The following EPHA6 variants were observed in gnomAD, a reference collection of about 807,000 sequenced individuals.
EPHA6 encodes the protein EPH receptor A6, also known as ephrin type-A receptor 6.
A neutral mutation model predicts 112.0 loss-of-function variants in EPHA6; 50 were observed. That is an observed-to-expected ratio of 0.45 (90% CI 0.36 to 0.56). The LOEUF (loss-of-function observed/expected upper bound fraction) is 0.56. Ranked by LOEUF, EPHA6 falls within the 20% of genes least tolerant of loss-of-function variation. The probability of loss-of-function intolerance (pLI) is 0.00; values close to 1 mark genes in which losing one functional copy is unlikely to be tolerated. For missense variants in EPHA6, 1,280 were observed against 1,417.4 expected (o/e 0.90, Z 1.56); for synonymous variants, 529 against 490.7 (o/e 1.08, Z -1.03).
chr3:97,109,388 C>A (rs2047655439), intron 3 of EPHA6, among the ~76,000 whole-genome samples: 2 of 152,114 alleles, frequency 1.3e-5, no homozygotes, highest in Admixed American at 1.3e-4. Flanking sequence ...ACACAACTGT[C>A]TCTCATGGGC....
In EPHA6 at chr3:97,320,865, A is replaced by C. The variant is rs2082087238; in HGVS notation, c.1606+76578A>C. On this transcript the variant is annotated intron_variant, in intron 5 of 17. Coordinates refer to ENST00000389672, the MANE Select transcript of EPHA6 (RefSeq NM_001080448.3). ...AAGGGATGAATTTAATTACATCCTA[A>C]TTACATCCTTGTCAAGAGGTAATTC... 1.3e-5 allele frequency among the ~76,000 whole-genome samples: 2 copies of C among 151,456 alleles called. 1 individual carries two copies. Among genetic ancestry groups the C allele is most frequent in the African/African-American group, 4.9e-5 (2 of 40,988 alleles).
At chr3:97,631,061 T>C (rs1200737716) in intron 13 of EPHA6, among the ~76,000 whole-genome samples, 1 of 152,036 alleles carries the variant, frequency 6.6e-6, no homozygotes, top group Non-Finnish European at 1.5e-5. Context: ...ACAAATACTA[T>C]TCTAATTCCT....
At chr3:96,821,383 G>T (rs1395712609) in intron 1 of EPHA6, among the ~76,000 whole-genome samples, 4 of 151,660 alleles carry the variant, frequency 2.6e-5, no homozygotes, top group South Asian at 2.1e-4. Flanking sequence ...TTTTACTTTA[G>T]TGCTTTAGAA....
At chr3:97,380,814 A>G (rs966125665) in intron 5 of EPHA6, among the ~76,000 whole-genome samples, 3 of 152,158 alleles carry the variant, frequency 2.0e-5, no homozygotes, top group African/African-American at 7.2e-5. Context: ...TCCTTTTTAG[A>G]TATATTATTC....
At chr3:97,663,899 G>A (rs1290592957) in intron 14 of EPHA6, among the ~76,000 whole-genome samples, 2 of 152,142 alleles carry the variant, frequency 1.3e-5, no homozygotes, top group African/African-American at 4.8e-5. Context: ...AGATCCCCGA[G>A]GAATTGCCAC....
At chr3:97,483,274 C>T (rs1255292841) in intron 9 of EPHA6, among the ~76,000 whole-genome samples, 1 of 152,242 alleles carries the variant, frequency 6.6e-6, no homozygotes, top group East Asian at 1.9e-4. Context: ...CAATGAAGCT[C>T]AGCAGATACA....
At chr3:97,666,372 T>G (rs555966316) in intron 14 of EPHA6, among the ~76,000 whole-genome samples, 1 of 152,294 alleles carries the variant, frequency 6.6e-6, no homozygotes, top group South Asian at 2.1e-4. Flanking sequence ...TCAACAGAAT[T>G]TATTGTCTCA....
chr3:97,246,716 A>G (rs2078997214), intron 5 of EPHA6, among the ~76,000 whole-genome samples: 1 of 151,898 alleles, frequency 6.6e-6, no homozygotes, highest in Non-Finnish European at 1.5e-5. Flanking sequence ...AAATATTGTC[A>G]TGTATATACT....
At chr3:97,047,075 T>C (rs2045532403) in intron 3 of EPHA6, among the ~76,000 whole-genome samples, 1 of 152,148 alleles carries the variant, frequency 6.6e-6, no homozygotes, top group African/African-American at 2.4e-5. Flanking sequence ...ATATTCTCTT[T>C]TTATCAACCT....
chr3:97,692,056 T>C (rs1171567486), intron 14 of EPHA6, among the ~76,000 whole-genome samples: 4 of 152,216 alleles, frequency 2.6e-5, no homozygotes, highest in Non-Finnish European at 5.9e-5. Flanking sequence ...ATGGAGAAGC[T>C]TTCATAGTGA....
chr3:97,327,673 A>G (rs1297861518), intron 5 of EPHA6, among the ~76,000 whole-genome samples: 1 of 151,754 alleles, frequency 6.6e-6, no homozygotes, highest in African/African-American at 2.4e-5. Context: ...ATTCTCTTCC[A>G]TTTCTAAAAC....
chr3:96,987,979 A>G lies in EPHA6; in HGVS notation c.1100A>G (p.Glu367Gly), dbSNP rs2043082138. ...TGCAGTACAGGATATGAAGAAATTG[A>G]GGGTTCTTGCCATGGTAAGAAACAA... is the stretch of plus-strand genomic sequence containing the variant. ...CICSTGYEEI[E>G]GSCHACRPGF... Residue 367 changes from glutamate to glycine, a missense_variant, in exon 3 of 18, where the codon GAG (glutamate) becomes GGG (glycine). Coordinates refer to ENST00000389672, the MANE Select transcript of EPHA6 (RefSeq NM_001080448.3). The G allele has an allele frequency of 6.4e-7, 1 of 1,565,740 alleles. No homozygotes were observed. Among genetic ancestry groups the G allele is most frequent in the Non-Finnish European group, 8.7e-7 (1 of 1,150,600 alleles).
chr3:97,131,316 A>G (rs1430698731), intron 3 of EPHA6, among the ~76,000 whole-genome samples: 1 of 152,134 alleles, frequency 6.6e-6, no homozygotes, highest in African/African-American at 2.4e-5. Context: ...AGATAGAGAG[A>G]TAGATACTTA....
chr3:96,827,931 A>C (rs1227975987), intron 1 of EPHA6, among the ~76,000 whole-genome samples: 2 of 152,082 alleles, frequency 1.3e-5, no homozygotes, highest in Non-Finnish European at 2.9e-5. Context: ...ATGGAGATTC[A>C]GGGGTTGCTT....
chr3:97,558,960 A>C (rs924556424), intron 11 of EPHA6, among the ~76,000 whole-genome samples: 1 of 152,050 alleles, frequency 6.6e-6, no homozygotes, highest in Non-Finnish European at 1.5e-5. Flanking sequence ...ATAAATTGCC[A>C]GTAAAGTAAC....
chr3:97,286,680 C>CTT (rs753882991), intron 5 of EPHA6, among the ~76,000 whole-genome samples: 1 of 142,168 alleles, frequency 7.0e-6, no homozygotes. Context: ...AAGCCTCAAG[C>CTT]TTTTTTTTTT....
chr3:97,100,965 A>C (rs1214483144), intron 3 of EPHA6, among the ~76,000 whole-genome samples: 1 of 152,024 alleles, frequency 6.6e-6, no homozygotes, highest in Non-Finnish European at 1.5e-5. Flanking sequence ...TGAAATAAAG[A>C]TTATCAATAA....
At position 97,093,205 on chromosome 3, in the gene EPHA6, A is replaced by G. The variant is rs572242424; in HGVS notation, c.1114+105212A>G. Among the ~76,000 whole-genome samples, 6 of 152,240 alleles carry G rather than the reference A, an allele frequency of 3.9e-5. No homozygotes were observed. In the South Asian group the frequency reaches 1.2e-3, roughly 32 times the overall value. On this transcript the variant is annotated intron_variant, in intron 3 of 17. Coordinates refer to ENST00000389672, the MANE Select transcript of EPHA6 (RefSeq NM_001080448.3). ...GGATATCTAGCCATCTTATCAAGCT[A>G]ACTGTATGACTTTAAAAACTGAAAT...
At chr3:97,196,537 C>T (rs1465285356) in intron 3 of EPHA6, among the ~76,000 whole-genome samples, 1 of 152,024 alleles carries the variant, frequency 6.6e-6, no homozygotes, top group Non-Finnish European at 1.5e-5. Flanking sequence ...GGTCCTGATG[C>T]TTGTCAATGT....
Sources: gnomAD v4.1 joint callset for allele counts (sites outside exome capture counted in the v4.1 genomes callset) on GRCh38, gnomAD v4.1.1 for gene constraint, MANE v1.5 for transcripts, NCBI Gene and HGNC (gene_info 2026-07-23, HGNC 2026-07-21) for gene names.